Variants in PHF21A observed in about 807,000 individuals in gnomAD.
PHF21A encodes PHD finger protein 21A.
A neutral mutation model predicts 82.5 loss-of-function variants in PHF21A; 11 were observed. The observed-to-expected ratio is 0.13, with a 90% confidence interval of 0.08 to 0.22. The LOEUF is 0.22. PHF21A is among the 10% of genes least tolerant of loss of function. PHF21A has a pLI of 1.00. For missense variants in PHF21A, 579 were observed against 837.8 expected, an observed-to-expected ratio of 0.69 and a Z score of 3.81; for synonymous variants, 297 against 302.8, an observed-to-expected ratio of 0.98 and a Z score of 0.20.
At chr11:45,995,323 G>T (rs2094866527) in intron 6 of PHF21A, among the ~76,000 whole-genome samples, 1 of 152,136 alleles carries the variant, frequency 6.6e-6, no homozygotes, top group Admixed American at 6.5e-5. Context: ...TGACACAAAA[G>T]TGCAATGTTT....
chr11:46,040,277 T>C lies in PHF21A; in HGVS notation c.153+36477A>G, dbSNP rs149615090. ...ACCTCAGTGGAAAAGAGAGGAAGGA[T>C]GGAGGCAGGGTGGGGAGGTGCTGGA... On this transcript the variant is annotated intron_variant, in intron 6 of 18. Transcript: ENST00000676320. 6.6e-5 allele frequency among the ~76,000 whole-genome samples: 10 copies of C among 152,302 alleles called. No individual in the cohort carries two copies. The East Asian group carries it at 1.9e-3, about 29-fold the overall frequency.
chr11:46,116,522 G>C (rs960599697), intron 1 of PHF21A: 1 of 151,134 alleles, frequency 6.6e-6, no homozygotes, highest in South Asian at 2.1e-4. Context: ...AACTGTAATA[G>C]GGGACATACA....
chr11:45,938,894 C>T (rs1051321584), intron 15 of PHF21A, among the ~76,000 whole-genome samples: 68 of 151,088 alleles, frequency 4.5e-4, no homozygotes, highest in African/African-American at 1.5e-3. Context: ...AGTGCAGTGG[C>T]GCGATCTCAG....
At chr11:46,000,066 G>T (rs140375900) in intron 6 of PHF21A, among the ~76,000 whole-genome samples, 2 of 152,306 alleles carry the variant, frequency 1.3e-5, no homozygotes, top group Non-Finnish European at 2.9e-5. Flanking sequence ...TGACTAGAGA[G>T]CTGAGGACAG....
At chr11:45,936,893 G>A (rs11038716) in intron 16 of PHF21A, 37,427 of 230,652 alleles carry the variant, frequency 0.16, 3,704 homozygotes, top group Non-Finnish European at 0.21. Flanking sequence ...CAACACAAAA[G>A]CTGCACATCA....
chr11:45,951,856 C>T (rs2092166097), intron 11 of PHF21A, among the ~76,000 whole-genome samples: 2 of 147,534 alleles, frequency 1.4e-5, no homozygotes, highest in South Asian at 4.3e-4. Flanking sequence ...ACCCAGGCTG[C>T]AATACAGTGG....
chr11:45,993,817 G>C (rs1190243565), intron 6 of PHF21A, among the ~76,000 whole-genome samples: 2 of 151,788 alleles, frequency 1.3e-5, no homozygotes, highest in African/African-American at 4.8e-5. Context: ...GCTGGGAAAC[G>C]GGACGGTCAG....
intron 6 of PHF21A, among the ~76,000 whole-genome samples, chr11:46,062,054 CT>C (rs2096541234): frequency 6.6e-6 from 1 of 151,608 alleles, no homozygotes; most frequent in African/African-American, 2.4e-5. Context: ...CTGATGACAT[CT>C]GATTCCCAAT....
chr11:46,109,385 G>A (rs1259286789), intron 1 of PHF21A, among the ~76,000 whole-genome samples: 1 of 152,014 alleles, frequency 6.6e-6, no homozygotes, highest in Non-Finnish European at 1.5e-5. Flanking sequence ...ATAAACCTAA[G>A]GTACAAAAAC....
chr11:46,095,584 T>C (rs973799247), intron 1 of PHF21A, among the ~76,000 whole-genome samples: 42 of 152,262 alleles, frequency 2.8e-4, no homozygotes, highest in Non-Finnish European at 4.7e-4. Flanking sequence ...ACTTCACAGG[T>C]AACTGCTCTA....
chr11:45,965,259 C>T, intron 10 of PHF21A, 56 bp downstream of exon 10: 4 of 1,465,562 alleles, frequency 2.7e-6, no homozygotes, highest in South Asian at 1.2e-5. Flanking sequence ...AGCCCAGCAG[C>T]CATATGCCTC....
At position 46,076,076 on chromosome 11, in the gene PHF21A, T is replaced by C. The variant is rs535546789; in HGVS notation, c.153+678A>G. Among the ~76,000 whole-genome samples the C allele has an allele frequency of 7.9e-5, 12 of 152,304 alleles. No individual in the cohort carries two copies. The South Asian group carries it at 2.5e-3, about 32-fold the overall frequency. On this transcript the variant is annotated intron_variant, in intron 6 of 18. Transcript: ENST00000676320. ...TGCTTTGTGGGATTACCATAAACAT[T>C]TACTTATAGCTCTATCAATTGCCAC... is the stretch of plus-strand genomic sequence containing the variant.
Position 45,936,530 on chromosome 11 carries a change from A to C in PHF21A, c.1648T>G (p.Leu550Val). ...GCAATATAGGAATGAACAATTGCTAAAGTTCCAGGCCATGGAATTGCTTCT... is the reference window on the plus strand; with the variant it reads ...GCAATATAGGAATGAACAATTGCTACAGTTCCAGGCCATGGAATTGCTTCT... ...KEEAIPWPGT[L>V]AIVHSYIAYK... The change falls in exon 17 of 19, where the codon TTA becomes GTA. Residue 550 changes from leucine to valine, a missense_variant. Leu to Val is a conservative substitution (Grantham distance 32). This residue lies in a region of PHF21A where 410 missense variants were observed against 642.1 expected (regional missense o/e 0.64). Transcript: ENST00000676320. 1 of 1,613,590 alleles carries C rather than the reference A, an allele frequency of 6.2e-7. No homozygotes were observed.
At chr11:45,983,304 GA>G (rs903799240) in intron 6 of PHF21A, among the ~76,000 whole-genome samples, 20 of 145,898 alleles carry the variant, frequency 1.4e-4, no homozygotes, top group Admixed American at 5.4e-4. Flanking sequence ...TGAGAGGAGG[GA>G]AAAAAAAAAG....
chr11:46,020,824 G>C (rs1453478825), intron 6 of PHF21A, among the ~76,000 whole-genome samples: 1 of 152,190 alleles, frequency 6.6e-6, no homozygotes, highest in African/African-American at 2.4e-5. Context: ...ACTTACAATA[G>C]TTTGATTTAC....
At chr11:46,119,111 TA>T (rs33935532) in intron 1 of PHF21A, among the ~76,000 whole-genome samples, 2 of 150,046 alleles carry the variant, frequency 1.3e-5, no homozygotes, top group African/African-American at 2.5e-5. Flanking sequence ...ACAACTGCTT[TA>T]AAAAAAAAAA....
At chr11:45,983,363 G>C (rs1339039736) in intron 6 of PHF21A, among the ~76,000 whole-genome samples, 1 of 152,142 alleles carries the variant, frequency 6.6e-6, no homozygotes, top group East Asian at 1.9e-4. Context: ...TATGAGCTGG[G>C]TAAAGCTTTC....
At chr11:46,052,014 A>C (rs2096374880) in intron 6 of PHF21A, among the ~76,000 whole-genome samples, 1 of 152,170 alleles carries the variant, frequency 6.6e-6, no homozygotes, top group Non-Finnish European at 1.5e-5. Flanking sequence ...ACTCCTATGA[A>C]AACAGTCAAA....
intron 6 of PHF21A, among the ~76,000 whole-genome samples, chr11:46,046,711 GTAA>G (rs2096262954): frequency 6.6e-6 from 1 of 152,154 alleles, no homozygotes; most frequent in African/African-American, 2.4e-5. Context: ...GATCTAGGTG[GTAA>G]TGCAGATGGC....
Sources: allele counts gnomAD v4.1 joint callset (sites outside exome capture counted in the v4.1 genomes callset), GRCh38; gene constraint gnomAD v4.1.1; regional missense constraint gnomAD v4.1.1; transcripts MANE v1.5; gene names NCBI Gene and HGNC (gene_info 2026-07-23, HGNC 2026-07-21).